TAX1BP1: variants seen among roughly 807,000 people sequenced by gnomAD.
The protein encoded by TAX1BP1 is Tax1 binding protein 1.
A neutral mutation model predicts 97.7 loss-of-function variants in TAX1BP1; 62 were observed. That is an observed-to-expected ratio of 0.63 (90% CI 0.52 to 0.78). The LOEUF is 0.78. TAX1BP1 is among the 30% of genes least tolerant of loss of function. The probability of loss-of-function intolerance (pLI) is 0.00; values close to 1 mark genes in which losing one functional copy is unlikely to be tolerated. For missense variants in TAX1BP1, 867 were observed against 916.1 expected, an observed-to-expected ratio of 0.95 and a Z score of 0.69; for synonymous variants, 340 against 304.2, an observed-to-expected ratio of 1.12 and a Z score of -1.23.
intron 2 of TAX1BP1, among the ~76,000 whole-genome samples, chr7:27,757,792 A>T (rs1788279472): frequency 6.6e-6 from 1 of 152,110 alleles, no homozygotes; most frequent in Non-Finnish European, 1.5e-5. Flanking sequence ...GAGAAATTGG[A>T]TAGCAAATTG....
intron 3 of TAX1BP1, among the ~76,000 whole-genome samples, chr7:27,758,827 G>C (rs76403389): frequency 0.038 from 5,739 of 152,122 alleles, 369 homozygotes; most frequent in African/African-American, 0.13. Flanking sequence ...GGGAGTTATT[G>C]TTTAATGAGG....
intron 11 of TAX1BP1, 93 bp from the exon 12 acceptor site, chr7:27,796,023 T>A: frequency 2.3e-6 from 2 of 858,972 alleles, no homozygotes; most frequent in Non-Finnish European, 3.7e-6. Context: ...TTACTATATT[T>A]TACAGTATAC....
chr7:27,769,538 GATAT>G, intron 4 of TAX1BP1, 134 bp from the exon 5 acceptor site: 1 of 628,268 alleles, frequency 1.6e-6, no homozygotes, highest in Non-Finnish European at 2.6e-6. Flanking sequence ...AAGGCTGATT[GATAT>G]AAAGTAGGTA....
At chr7:27,780,550 G>A (rs549581947) in intron 5 of TAX1BP1, among the ~76,000 whole-genome samples, 4 of 152,066 alleles carry the variant, frequency 2.6e-5, no homozygotes, top group Non-Finnish European at 1.5e-5. Flanking sequence ...ATAGCATTAG[G>A]TACCTGGTTT....
chr7:27,775,962 A>C (rs1413163721), intron 5 of TAX1BP1, among the ~76,000 whole-genome samples: 1 of 151,912 alleles, frequency 6.6e-6, no homozygotes, highest in African/African-American at 2.4e-5. Context: ...CACAAGATCA[A>C]ATCTCTTAGT....
intron 2 of TAX1BP1, among the ~76,000 whole-genome samples, chr7:27,754,533 T>G (rs1788138548): frequency 6.6e-6 from 1 of 151,840 alleles, no homozygotes; most frequent in Non-Finnish European, 1.5e-5. Context: ...TCCAGCCTTG[T>G]TTTATTAATG....
At chr7:27,825,804 G>A (rs987801004) in intron 15 of TAX1BP1, among the ~76,000 whole-genome samples, 4 of 152,126 alleles carry the variant, frequency 2.6e-5, no homozygotes, top group African/African-American at 9.7e-5. Context: ...ACAGGAAAAG[G>A]AGGTTATGAG....
chr7:27,797,557 G>A (rs1463809733), intron 12 of TAX1BP1, among the ~76,000 whole-genome samples: 1 of 151,742 alleles, frequency 6.6e-6, no homozygotes, highest in African/African-American at 2.4e-5. Flanking sequence ...TTAGCTTCAT[G>A]TTACTGTAAT....
chr7:27,780,681 G>T (rs1307451970), intron 5 of TAX1BP1, among the ~76,000 whole-genome samples: 1 of 152,042 alleles, frequency 6.6e-6, no homozygotes, highest in Admixed American at 6.6e-5. Flanking sequence ...ATCAAGAAAA[G>T]ATACAAAAGG....
rs1039477003 is a variant in TAX1BP1, at chr7:27,824,747, G to T, written c.2086-2991G>T. Among the ~76,000 whole-genome samples the T allele has an allele frequency of 2.3e-4, 35 of 152,192 alleles. 1 individual carries two copies. The East Asian group carries it at 5.4e-3, about 23-fold the overall frequency. On this transcript the variant is annotated intron_variant, in intron 15 of 16. Coordinates refer to ENST00000396319, the MANE Select transcript of TAX1BP1 (RefSeq NM_006024.7). Reference sequence around the variant, plus strand: ...ACCAGTTTGTAATGGAAAGAGTATTGTGCTGATGGGTGTAAACATAGATGA... The same window carrying T: ...ACCAGTTTGTAATGGAAAGAGTATTTTGCTGATGGGTGTAAACATAGATGA...
chr7:27,760,497 A>G (rs566818794), intron 3 of TAX1BP1, among the ~76,000 whole-genome samples: 11 of 149,950 alleles, frequency 7.3e-5, no homozygotes, highest in South Asian at 6.3e-4. Flanking sequence ...AGTTTTCGCC[A>G]TTCTCCTGCC....
rs190136392 is a variant in TAX1BP1, at chr7:27,753,950, T to C, written c.163-4081T>C. Reference sequence around the variant, plus strand: ...CCATGAGTTTTTGTTTTTTAAACTTTAGAGTCTTAGAATTCTCACATCTCT... The same window carrying C: ...CCATGAGTTTTTGTTTTTTAAACTTCAGAGTCTTAGAATTCTCACATCTCT... On this transcript the variant is annotated intron_variant, in intron 2 of 16. Coordinates refer to ENST00000396319, the MANE Select transcript of TAX1BP1 (RefSeq NM_006024.7). Among the ~76,000 whole-genome samples the C allele has an allele frequency of 1.8e-3, 272 of 152,350 alleles. 2 individuals carry two copies. Among genetic ancestry groups the C allele is most frequent in the Non-Finnish European group, 2.0e-3 (139 of 68,026 alleles).
chr7:27,785,575 A>G (rs1267382508), intron 7 of TAX1BP1, 86 bp downstream of exon 7: 3 of 1,104,504 alleles, frequency 2.7e-6, no homozygotes, highest in Non-Finnish European at 4.0e-6. Flanking sequence ...GCAATTTAGG[A>G]GCAGCTTAGC....
At chr7:27,765,227 G>A (rs1413513880) in intron 3 of TAX1BP1, among the ~76,000 whole-genome samples, 1 of 150,890 alleles carries the variant, frequency 6.6e-6, no homozygotes, top group African/African-American at 2.4e-5. Context: ...TGTTGGCCAG[G>A]CTGGTCTCTA....
At position 27,767,400 on chromosome 7, in the gene TAX1BP1, T is replaced by G. The variant is rs1583684978; in HGVS notation, c.453+1379T>G. On this transcript the variant is annotated intron_variant, in intron 4 of 16. Transcript: ENST00000396319. ...GAGTAAAAAGACAAGAGGTTACAGA[T>G]AGAATACTTTTATTAGACAGTCAAA... Among the ~76,000 whole-genome samples, 4 of 152,286 alleles carry G rather than the reference T, an allele frequency of 2.6e-5. 1 individual carries two copies. The South Asian group carries it at 8.3e-4, about 32-fold the overall frequency.
intron 2 of TAX1BP1, among the ~76,000 whole-genome samples, chr7:27,750,960 T>G (rs183741547): frequency 2.9e-4 from 44 of 152,312 alleles, no homozygotes; most frequent in Admixed American, 2.5e-3. Flanking sequence ...AGCTGTAAAA[T>G]GGAAACCTGA....
chr7:27,785,180 A>C lies in TAX1BP1; in HGVS notation c.630A>C (p.Thr210=). Residue 210 remains threonine, a synonymous_variant, in exon 6 of 17, where the codon ACA becomes ACC. Transcript: ENST00000396319. ...QAEQKGLTEV[T]QSLKMENEEF... Reference sequence around the variant, plus strand: ...CTTCTCAGGGTCTTACTGAAGTAACACAAAGCTTAAAAATGGAAAATGAAG... The same window carrying C: ...CTTCTCAGGGTCTTACTGAAGTAACCCAAAGCTTAAAAATGGAAAATGAAG... The C allele has an allele frequency of 1.2e-6, 2 of 1,610,486 alleles. No individual in the cohort carries two copies. The highest frequency in any genetic ancestry group is 1.7e-6 in the Non-Finnish European group (2 of 1,178,740).
intron 8 of TAX1BP1, 82 bp downstream of exon 8, chr7:27,787,685 C>T: frequency 7.8e-7 from 1 of 1,274,824 alleles, no homozygotes; most frequent in Non-Finnish European, 1.0e-6. Context: ...TTTTTAATTC[C>T]CCCAAGCTTT....
chr7:27,748,071 C>A (rs894265644), intron 1 of TAX1BP1, among the ~76,000 whole-genome samples: 1 of 152,018 alleles, frequency 6.6e-6, no homozygotes, highest in Non-Finnish European at 1.5e-5. Context: ...AAGGGTTCTA[C>A]ATAGGAAGGA....
Sources: gnomAD v4.1 joint callset for allele counts (sites outside exome capture counted in the v4.1 genomes callset) on GRCh38, gnomAD v4.1.1 for gene constraint, MANE v1.5 for transcripts, NCBI Gene and HGNC (gene_info 2026-07-23, HGNC 2026-07-21) for gene names.